DPP6: variants seen among roughly 807,000 people sequenced by gnomAD.
DPP6 encodes the protein dipeptidyl peptidase like 6, also known as A-type potassium channel modulatory protein DPP6.
A neutral mutation model predicts 122.6 loss-of-function variants in DPP6; 69 were observed. That is an observed-to-expected ratio of 0.56 (90% CI 0.46 to 0.69). The LOEUF is 0.69. DPP6 is among the 30% of genes least tolerant of loss of function. The pLI is 0.00. For missense variants in DPP6, 928 were observed against 1,116.9 expected (o/e 0.83, Z 2.41); for synonymous variants, 418 against 433.1 (o/e 0.97, Z 0.43).
At chr7:154,261,096 G>A (rs6951216) in intron 1 of DPP6, among the ~76,000 whole-genome samples, 103,431 of 151,956 alleles carry the variant, frequency 0.68, 37,090 homozygotes, top group African/African-American at 0.93. Context: ...GGGTTTCACC[G>A]TATTGGCCAG....
intron 1 of DPP6, among the ~76,000 whole-genome samples, chr7:154,272,715 T>C (rs997668088): frequency 2.0e-5 from 3 of 152,172 alleles, no homozygotes; most frequent in African/African-American, 7.2e-5. Flanking sequence ...GGGGCCTCAA[T>C]AGAGCCTGAG....
At chr7:154,407,851 T>C (rs558145093) in intron 1 of DPP6, among the ~76,000 whole-genome samples, 1 of 152,324 alleles carries the variant, frequency 6.6e-6, no homozygotes, top group African/African-American at 2.4e-5. Flanking sequence ...ACTGATTTTC[T>C]TAGATTGGAG....
intron 1 of DPP6, among the ~76,000 whole-genome samples, chr7:154,055,039 G>T (rs2533724): frequency 8.0e-5 from 12 of 150,198 alleles, no homozygotes; most frequent in African/African-American, 2.4e-4. Flanking sequence ...ATGTACATTT[G>T]TTAATGGGGT....
intron 1 of DPP6, among the ~76,000 whole-genome samples, chr7:154,041,976 C>G (rs1019600160): frequency 1.3e-5 from 2 of 152,150 alleles, no homozygotes; most frequent in African/African-American, 4.8e-5. Flanking sequence ...CCAGGATGGT[C>G]TCGATTTCCC....
chr7:153,789,155 A>C, the DPP6 span, among the ~76,000 whole-genome samples: 5 of 152,140 alleles, frequency 3.3e-5, no homozygotes, highest in Non-Finnish European at 5.9e-5. Context: ...GTTGTGTCCA[A>C]AATTTCAAGT....
upstream of DPP6, among the ~76,000 whole-genome samples, chr7:153,886,513 A>G (rs899203406): frequency 6.6e-6 from 1 of 152,128 alleles, no homozygotes; most frequent in Non-Finnish European, 1.5e-5. Context: ...AGAGCGAGCC[A>G]AAGAAACAAA....
intron 1 of DPP6, among the ~76,000 whole-genome samples, chr7:154,415,169 G>A (rs2151214878): frequency 6.6e-6 from 1 of 152,140 alleles, no homozygotes; most frequent in South Asian, 2.1e-4. Context: ...AAACCCTTTA[G>A]CACATACTAT....
intron 7 of DPP6, among the ~76,000 whole-genome samples, chr7:154,676,162 C>A (rs1190829038): frequency 6.9e-6 from 1 of 145,104 alleles, no homozygotes; most frequent in East Asian, 2.0e-4. Flanking sequence ...ATGTGACCTC[C>A]TACACAGGTG....
At chr7:154,540,433 T>C (rs975744858) in intron 3 of DPP6, 99 bp from the exon 4 acceptor site, 1 of 764,362 alleles carries the variant, frequency 1.3e-6, no homozygotes, top group Admixed American at 2.2e-5. Context: ...CCTATCTTTT[T>C]TTCAGAACTA....
chr7:154,226,502 C>G (rs1303517596), intron 1 of DPP6, among the ~76,000 whole-genome samples: 1 of 152,170 alleles, frequency 6.6e-6, no homozygotes, highest in Non-Finnish European at 1.5e-5. Context: ...CACAGGGATT[C>G]TTCGGGGGGC....
the DPP6 span, among the ~76,000 whole-genome samples, chr7:153,828,882 C>G: frequency 1.3e-5 from 2 of 152,078 alleles, no homozygotes; most frequent in Non-Finnish European, 2.9e-5. Context: ...AATACTAAAA[C>G]CAAATTGAAT....
chr7:154,789,736 T>C (rs1797559330), intron 10 of DPP6, among the ~76,000 whole-genome samples: 1 of 152,184 alleles, frequency 6.6e-6, no homozygotes, highest in Non-Finnish European at 1.5e-5. Context: ...GCAGCAAAAG[T>C]GTGACTACAA....
intron 3 of DPP6, among the ~76,000 whole-genome samples, chr7:154,534,709 C>T (rs976355780): frequency 1.1e-4 from 16 of 152,084 alleles, no homozygotes; most frequent in African/African-American, 3.9e-4. Flanking sequence ...CAAAATGAAG[C>T]TAAGAACGAT....
chr7:154,167,699 CATT>C (rs1797325201), intron 1 of DPP6, among the ~76,000 whole-genome samples: 1 of 152,204 alleles, frequency 6.6e-6, no homozygotes, highest in African/African-American at 2.4e-5. Context: ...CGTTTTATAA[CATT>C]AGCTGTGTGG....
chr7:153,882,352 C>T (rs1217082189), upstream of DPP6, among the ~76,000 whole-genome samples: 1 of 152,142 alleles, frequency 6.6e-6, no homozygotes, highest in Non-Finnish European at 1.5e-5. Flanking sequence ...TCTTATGTCA[C>T]GTTGACTGTC....
chr7:154,288,467 A>C (rs1316675444), intron 1 of DPP6, among the ~76,000 whole-genome samples: 1 of 152,254 alleles, frequency 6.6e-6, no homozygotes, highest in Non-Finnish European at 1.5e-5. Flanking sequence ...GTGTGACCTC[A>C]GACCAGGAGT....
At chr7:154,675,639 A>G (rs1352628292) in intron 7 of DPP6, among the ~76,000 whole-genome samples, 1 of 152,174 alleles carries the variant, frequency 6.6e-6, no homozygotes, top group African/African-American at 2.4e-5. Context: ...TGTGTTCTGG[A>G]TACTGCCTGA....
chr7:154,715,310 C>G (rs1357272231), intron 7 of DPP6, among the ~76,000 whole-genome samples: 2 of 152,304 alleles, frequency 1.3e-5, no homozygotes, highest in Admixed American at 1.3e-4. Context: ...ATCAGATGAT[C>G]CACCTGCCTA....
intron 1 of DPP6, among the ~76,000 whole-genome samples, chr7:154,200,191 CT>C (rs75771640): frequency 3.3e-5 from 5 of 151,046 alleles, no homozygotes; most frequent in South Asian, 2.1e-4. Context: ...TTCCTGGCTC[CT>C]TTTTTTTTAA....
Sources: allele counts gnomAD v4.1 joint callset (sites outside exome capture counted in the v4.1 genomes callset), GRCh38; gene constraint gnomAD v4.1.1; transcripts MANE v1.5; gene names NCBI Gene and HGNC (gene_info 2026-07-23, HGNC 2026-07-21).